The following FNDC3A variants were observed in gnomAD, a reference collection of about 807,000 sequenced individuals.
FNDC3A encodes fibronectin type-III domain-containing protein 3A.
Under a neutral mutation model 148.9 loss-of-function variants are expected in FNDC3A, and 32 were observed. That is an observed-to-expected ratio of 0.21 (90% CI 0.16 to 0.29). FNDC3A has a LOEUF of 0.29. Ranked by LOEUF, FNDC3A falls within the 10% of genes least tolerant of loss-of-function variation. The pLI is 1.00. For synonymous variants in FNDC3A, 472 were observed against 473.6 expected (o/e 1.00, Z 0.04); for missense variants, 1,191 against 1,452.8 (o/e 0.82, Z 2.93).
rs2137967550 is a variant in FNDC3A at position 49,145,791 on chromosome 13, A to G, written c.833A>G (p.Gln278Arg). 1 of 1,613,590 alleles carries G rather than the reference A, an allele frequency of 6.2e-7. No individual in the cohort carries two copies. Among genetic ancestry groups the G allele is most frequent in the African/African-American group, 1.3e-5 (1 of 75,004 alleles). The change falls in exon 8 of 26, where the codon CAG (glutamine) becomes CGG (arginine). Residue 278 changes from glutamine (Q) to arginine (R), a missense_variant. This residue lies in a region of FNDC3A where 426 missense variants were observed against 473.2 expected (regional missense o/e 0.90). Transcript: ENST00000492622. ...NIVKPVASDI[Q>R]ARTVVLTWSP... ...GTATTTTTACAGGCCTCCGACATCC[A>G]GGCAAGGACAGTAGTACTTACCTGG...
intron 2 of FNDC3A, among the ~76,000 whole-genome samples, chr13:49,057,746 T>A (rs1183533938): frequency 1.3e-5 from 2 of 152,178 alleles, no homozygotes; most frequent in Non-Finnish European, 2.9e-5. Context: ...ATATATGGTA[T>A]CTTGGCTTTA....
chr13:49,204,681 G>T (rs1165366290), intron 25 of FNDC3A, among the ~76,000 whole-genome samples: 1 of 152,188 alleles, frequency 6.6e-6, no homozygotes, highest in Non-Finnish European at 1.5e-5. Flanking sequence ...CATTTGAGTA[G>T]TATATGAATA....
chr13:49,159,877 A>T (rs965808249), intron 8 of FNDC3A, among the ~76,000 whole-genome samples: 1 of 151,376 alleles, frequency 6.6e-6, no homozygotes, highest in Non-Finnish European at 1.5e-5. Flanking sequence ...TGAGATAAAC[A>T]TGTGGTTTTT....
intron 2 of FNDC3A, among the ~76,000 whole-genome samples, chr13:49,049,430 T>C (rs1218624210): frequency 6.6e-6 from 1 of 152,154 alleles, no homozygotes; most frequent in Non-Finnish European, 1.5e-5. Context: ...TGTGAATCCA[T>C]CTGGTCCTGG....
chr13:49,125,398 T>C (rs1881633236), intron 4 of FNDC3A, among the ~76,000 whole-genome samples: 1 of 152,240 alleles, frequency 6.6e-6, no homozygotes, highest in Non-Finnish European at 1.5e-5. Flanking sequence ...TAAATGTTTG[T>C]TAAATGAATG....
chr13:49,142,923 A>T (rs1273956895), intron 7 of FNDC3A, among the ~76,000 whole-genome samples: 2 of 152,178 alleles, frequency 1.3e-5, no homozygotes, highest in Admixed American at 6.5e-5. Flanking sequence ...GCTGGAGTGC[A>T]GTGGCATGAT....
chr13:49,197,020 C>T lies in FNDC3A; in HGVS notation c.2340+30C>T, dbSNP rs1215818511. On this transcript the variant is annotated intron_variant, in intron 20 of 25. Coordinates refer to ENST00000492622, the MANE Select transcript of FNDC3A (RefSeq NM_001079673.2). Reference sequence around the variant, plus strand: ...TGTAATTTCCATTGACTTGTATCTACTTTCTTAAGTGAATAGAATAGTTTA... The same window carrying T: ...TGTAATTTCCATTGACTTGTATCTATTTTCTTAAGTGAATAGAATAGTTTA... 33 of 1,284,634 alleles carry T rather than the reference C, an allele frequency of 2.6e-5. No homozygotes were observed. The Admixed American group carries it at 6.2e-4, about 24-fold the overall frequency. 79.6% of individuals were successfully genotyped at this position (1,284,634 alleles called of 1,614,324 possible). A position where few individuals can be genotyped will look rare whatever the true frequency, so the allele number is the denominator to read the frequency against.
intron 1 of FNDC3A, among the ~76,000 whole-genome samples, chr13:48,982,712 CCTAT>C (rs1951715985): frequency 6.6e-6 from 1 of 152,130 alleles, no homozygotes; most frequent in Non-Finnish European, 1.5e-5. Flanking sequence ...CTGTTGATAT[CCTAT>C]TGTGTCATCA....
Position 49,138,442 on chromosome 13 carries a change from A to G in FNDC3A, c.761-305A>G, listed in dbSNP as rs1882505774. On this transcript the variant is annotated intron_variant, in intron 6 of 25. Coordinates refer to ENST00000492622, the MANE Select transcript of FNDC3A (RefSeq NM_001079673.2). ...ACTTTCCAGAGAGAATATTCTTACA[A>G]CCATGAATAAAAATATACTTGATAT... is the stretch of plus-strand genomic sequence containing the variant. Among the ~76,000 whole-genome samples, 4 of 152,170 alleles carry G rather than the reference A, an allele frequency of 2.6e-5. No individual in the cohort carries two copies. In the South Asian group the frequency reaches 8.3e-4, roughly 31 times the overall value.
chr13:49,008,501 T>C (rs1593463335), intron 2 of FNDC3A, among the ~76,000 whole-genome samples: 1 of 152,290 alleles, frequency 6.6e-6, no homozygotes, highest in East Asian at 1.9e-4. Context: ...AGACGACATA[T>C]TTTGTCCCTT....
chr13:49,161,082 A>G (rs1489738609), intron 8 of FNDC3A, among the ~76,000 whole-genome samples: 2 of 152,188 alleles, frequency 1.3e-5, no homozygotes, highest in African/African-American at 4.8e-5. Context: ...GGTGCTGAGA[A>G]GAATGTATAT....
intron 1 of FNDC3A, among the ~76,000 whole-genome samples, chr13:48,986,827 G>A (rs1324388730): frequency 2.0e-5 from 3 of 152,126 alleles, no homozygotes; most frequent in Non-Finnish European, 4.4e-5. Flanking sequence ...AGGACTACTG[G>A]ATTCTGCAGA....
intron 3 of FNDC3A, among the ~76,000 whole-genome samples, chr13:49,085,072 A>G (rs1878719648): frequency 6.6e-6 from 1 of 152,072 alleles, no homozygotes; most frequent in South Asian, 2.1e-4. Context: ...AAGGGATGGT[A>G]TGTCCCAACC....
intron 5 of FNDC3A, among the ~76,000 whole-genome samples, chr13:49,135,512 T>C (rs950188191): frequency 6.6e-6 from 1 of 152,174 alleles, no homozygotes; most frequent in East Asian, 1.9e-4. Flanking sequence ...GAATTAATTT[T>C]TGTATATGGT....
intron 14 of FNDC3A, among the ~76,000 whole-genome samples, chr13:49,182,783 T>G (rs1389668215): frequency 6.6e-6 from 1 of 152,110 alleles, no homozygotes; most frequent in Non-Finnish European, 1.5e-5. Context: ...TGTAGTCATG[T>G]TTTCTTCCTC....
intron 3 of FNDC3A, among the ~76,000 whole-genome samples, chr13:49,099,322 C>T (rs77781780): frequency 0.019 from 2,840 of 152,204 alleles, 93 homozygotes; most frequent in African/African-American, 0.063. Context: ...AAATCATTCT[C>T]TCTTCCTGAC....
At chr13:49,051,311 C>A (rs555009749) in intron 2 of FNDC3A, among the ~76,000 whole-genome samples, 1 of 151,948 alleles carries the variant, frequency 6.6e-6, no homozygotes, top group Non-Finnish European at 1.5e-5. Context: ...GTGTATTTTG[C>A]GGATTTGTTT....
intron 10 of FNDC3A, among the ~76,000 whole-genome samples, chr13:49,170,594 T>C (rs1236629076): frequency 6.6e-6 from 1 of 152,176 alleles, no homozygotes; most frequent in East Asian, 1.9e-4. Context: ...TAGTGCTGGG[T>C]AGGAACACTG....
At chr13:49,141,449 A>G (rs1882684937) in intron 7 of FNDC3A, among the ~76,000 whole-genome samples, 2 of 152,144 alleles carry the variant, frequency 1.3e-5, no homozygotes, top group South Asian at 2.1e-4. Flanking sequence ...TAGAAGTACT[A>G]TCTAACTCCA....
Sources: gnomAD v4.1 joint callset for allele counts (sites outside exome capture counted in the v4.1 genomes callset) on GRCh38, gnomAD v4.1.1 for gene constraint, gnomAD v4.1.1 regional missense constraint, MANE v1.5 for transcripts, NCBI Gene and HGNC (gene_info 2026-07-23, HGNC 2026-07-21) for gene names.